NID2: variants seen among roughly 807,000 people sequenced by gnomAD.
NID2 encodes nidogen-2.
Under a neutral mutation model 145.4 loss-of-function variants are expected in NID2, and 83 were observed. The observed-to-expected ratio is 0.57, with a 90% CI of 0.48 to 0.69. The LOEUF (loss-of-function observed/expected upper bound fraction) is 0.69. NID2 is among the 30% of genes least tolerant of loss of function. The pLI is 0.00. For synonymous variants in NID2, 739 were observed against 701.3 expected, an observed-to-expected ratio of 1.05 and a Z score of -0.85; for missense variants, 1,807 against 1,765.7, an observed-to-expected ratio of 1.02 and a Z score of -0.42.
chr14:52,042,964 C>T (rs1178429076), intron 5 of NID2, 33 bp from the exon 6 acceptor site: 1 of 1,609,962 alleles, frequency 6.2e-7, no homozygotes, highest in Non-Finnish European at 8.5e-7. Context: ...CTTAAAAGGA[C>T]TAAATGATTC....
chr14:52,017,381 A>C lies in NID2; in HGVS notation c.3028+1680T>G, dbSNP rs148732841. Among the ~76,000 whole-genome samples the C allele has an allele frequency of 5.9e-5, 9 of 152,224 alleles. No individual in the cohort carries two copies. The East Asian group carries it at 1.7e-3, about 29-fold the overall frequency. On this transcript the variant is annotated intron_variant, in intron 14 of 21. Coordinates refer to ENST00000216286, the MANE Select transcript of NID2 (RefSeq NM_007361.4). The stretch of plus-strand genomic sequence containing the variant: ...GCACAGAGCGTCCTTACCCTCCCTC[A>C]AGCTGACCCCATCAAACATGAGACC...
In NID2 at chr14:52,067,929, C is replaced by A. The variant is rs745961974; in HGVS notation, c.463G>T (p.Ala155Ser). The change falls in exon 2 of 22, where the codon GCC (alanine) becomes TCC (serine). Residue 155 changes from alanine (A) to serine (S), a missense_variant. Ala to Ser is a moderately conservative substitution (Grantham distance 99). Coordinates refer to ENST00000216286, the MANE Select transcript of NID2 (RefSeq NM_007361.4). ...ACCTGCTCCCAGGTGGCCAGGAAGG[C>A]GTGGGTGGGGGTAAAGCGCGCAGAG... ...PRSARFTPTH[A>S]FLATWEQVGA... 1.9e-5 allele frequency: 31 copies of A among 1,612,512 alleles called. No individual in the cohort carries two copies. The South Asian group carries it at 3.2e-4, about 17-fold the overall frequency.
intron 2 of NID2, among the ~76,000 whole-genome samples, chr14:52,066,051 C>T (rs2140438876): frequency 6.6e-6 from 1 of 152,068 alleles, no homozygotes; most frequent in African/African-American, 2.4e-5. Context: ...AATGGTATTT[C>T]TAGTTTTCTT....
At chr14:52,031,108 G>A (rs1891852847) in intron 9 of NID2, among the ~76,000 whole-genome samples, 1 of 152,184 alleles carries the variant, frequency 6.6e-6, no homozygotes, top group Non-Finnish European at 1.5e-5. Context: ...CCGCTTTGCT[G>A]CAACCCTCAC....
chr14:52,035,869 T>TATATATATATATATATATATATATAG (rs1892048655), intron 9 of NID2, among the ~76,000 whole-genome samples: 1 of 136,638 alleles, frequency 7.3e-6, no homozygotes, highest in Non-Finnish European at 1.6e-5. Flanking sequence ...TATATATATA[T>TATATATATATATATATATATATATAG]ATATATATAT....
chr14:52,016,608 C>T (rs1225477633), intron 14 of NID2, among the ~76,000 whole-genome samples: 1 of 152,178 alleles, frequency 6.6e-6, no homozygotes, highest in Non-Finnish European at 1.5e-5. Context: ...CACCCCCTCA[C>T]CCTGGTCAAA....
At chr14:52,033,109 T>G (rs1029390937) in intron 9 of NID2, among the ~76,000 whole-genome samples, 2 of 152,250 alleles carry the variant, frequency 1.3e-5, no homozygotes, top group Admixed American at 1.3e-4. Flanking sequence ...TCATTCTCTA[T>G]GACTTGTAAG....
chr14:52,014,573 A>G lies in NID2; in HGVS notation c.3251-117T>C, dbSNP rs1891150044. The G allele has an allele frequency of 7.8e-6, 8 of 1,020,176 alleles. 1 individual carries two copies. In the South Asian group the frequency reaches 1.2e-4, roughly 15 times the overall value. The allele number at this position is 1,020,176 out of a possible 1,614,324, so 63.2% of individuals were successfully genotyped here. A position where few individuals can be genotyped will look rare whatever the true frequency, so the allele number is the denominator to read the frequency against. ...AAAAATATCAAAAGTTCTTCGCCCT[A>G]CGCAGATGTGCTCCAGATGTTCTTC... is the stretch of plus-strand genomic sequence containing the variant. On this transcript the variant is annotated intron_variant, in intron 15 of 21. Transcript: ENST00000216286.
chr14:52,020,212 G>T (rs926436843), intron 12 of NID2, 34 bp from the exon 13 acceptor site: 1 of 1,611,208 alleles, frequency 6.2e-7, no homozygotes, highest in Non-Finnish European at 8.5e-7. Context: ...AAGAAGCAAA[G>T]AACACTATGA....
At chr14:52,013,489 G>A (rs1305604690) in intron 16 of NID2, among the ~76,000 whole-genome samples, 2 of 152,210 alleles carry the variant, frequency 1.3e-5, no homozygotes, top group Non-Finnish European at 2.9e-5. Flanking sequence ...ATTAACAGAA[G>A]TAAATGTAAA....
chr14:52,059,456 A>T (rs1015948546), intron 3 of NID2, among the ~76,000 whole-genome samples: 1 of 152,156 alleles, frequency 6.6e-6, no homozygotes, highest in Non-Finnish European at 1.5e-5. Flanking sequence ...CACACCCCCC[A>T]AAAAACCCTG....
In NID2 at chr14:52,010,873, G is replaced by A. The variant is rs1057188673; in HGVS notation, c.3722+3C>T. On this transcript the variant is annotated splice_donor_region_variant and intron_variant, in intron 18 of 21. Transcript: ENST00000216286. The stretch of plus-strand genomic sequence containing the variant: ...AGAGAAGAATTAGGGAAGCCCAGCT[G>A]ACCCTCGGATTGGATCCACAGCGAT... The A allele has an allele frequency of 6.2e-7, 1 of 1,610,870 alleles. No homozygotes were observed. Among genetic ancestry groups the A allele is most frequent in the African/African-American group, 1.3e-5 (1 of 74,874 alleles).
chr14:52,006,026 C>G (rs1890766118), intron 20 of NID2, 177 bp from the exon 21 acceptor site: 1 of 591,464 alleles, frequency 1.7e-6, no homozygotes, highest in African/African-American at 1.9e-5. Context: ...CATTGCTCAT[C>G]TCTAGCTGCA....
chr14:52,044,186 G>T (rs1466446283), intron 5 of NID2, among the ~76,000 whole-genome samples: 2 of 150,666 alleles, frequency 1.3e-5, no homozygotes, highest in Non-Finnish European at 3.0e-5. Context: ...CCAAGATAAA[G>T]ACCTCCATCA....
Position 52,005,511 on chromosome 14 carries a change from C to T in NID2, c.4118-15G>A, listed in dbSNP as rs1826749169. On this transcript the variant is annotated splice_polypyrimidine_tract_variant and intron_variant, in intron 21 of 21. Coordinates refer to ENST00000216286, the MANE Select transcript of NID2 (RefSeq NM_007361.4). The stretch of plus-strand genomic sequence containing the variant: ...TTACTTTCTTCCTGTGAGAGAAGAG[C>T]AGGGGTGGGACAGGGTGGTGGGTGA... 3 of 1,595,922 alleles carry T rather than the reference C, an allele frequency of 1.9e-6. No individual in the cohort carries two copies. Among genetic ancestry groups the T allele is most frequent in the African/African-American group, 1.4e-5 (1 of 73,832 alleles).
intron 14 of NID2, among the ~76,000 whole-genome samples, 197 bp downstream of exon 14, chr14:52,018,864 T>A (rs1891305081): frequency 6.6e-6 from 1 of 152,242 alleles, no homozygotes; most frequent in South Asian, 2.1e-4. Flanking sequence ...ACAGATCATA[T>A]GTGTCATGTA....
chr14:52,040,266 A>T (rs571851238), intron 8 of NID2, among the ~76,000 whole-genome samples: 8 of 134,130 alleles, frequency 6.0e-5, no homozygotes, highest in East Asian at 2.5e-4. Context: ...TTTTTTTTTT[A>T]AAGCAGCCTG....
intron 9 of NID2, among the ~76,000 whole-genome samples, chr14:52,030,536 G>GA (rs772308578): frequency 4.5e-5 from 2 of 44,462 alleles, no homozygotes; most frequent in African/African-American, 1.6e-4. Context: ...AAGAAAGAAA[G>GA]AAAGAAAGAA....
chr14:52,027,334 T>G lies in NID2; in HGVS notation c.2541A>C (p.Pro847=). ...DDRHTCILIT[P]PANPCEDGSH... ...TGCCATCCTCACAGGGGTTGGCAGGTGGGGTGATCACTGAAAAGAGAAGAA... is the reference window on the plus strand; with the variant it reads ...TGCCATCCTCACAGGGGTTGGCAGGGGGGGTGATCACTGAAAAGAGAAGAA... The change falls in exon 12 of 22, where the codon CCA becomes CCC. Residue 847 remains proline, a synonymous_variant. Coordinates refer to ENST00000216286, the MANE Select transcript of NID2 (RefSeq NM_007361.4). 2 of 1,566,462 alleles carry G rather than the reference T, an allele frequency of 1.3e-6. No individual in the cohort carries two copies. The highest frequency in any genetic ancestry group is 2.8e-5 in the African/African-American group (2 of 71,980).
Sources: gnomAD v4.1 joint callset for allele counts (sites outside exome capture counted in the v4.1 genomes callset) on GRCh38, gnomAD v4.1.1 for gene constraint, MANE v1.5 for transcripts, NCBI Gene and HGNC (gene_info 2026-07-23, HGNC 2026-07-21) for gene names.